UXS1: variants seen among roughly 807,000 people sequenced by gnomAD.
UXS1 encodes UDP-glucuronate decarboxylase 1.
A neutral mutation model predicts 62.6 loss-of-function variants in UXS1; 33 were observed. That is an observed-to-expected ratio of 0.53 (90% confidence interval 0.40 to 0.70). The LOEUF (loss-of-function observed/expected upper bound fraction) is 0.70. UXS1 is among the 30% of genes least tolerant of loss of function. UXS1 has a pLI of 0.00. For missense variants in UXS1, 434 were observed against 556.3 expected, an observed-to-expected ratio of 0.78 and a Z score of 2.21; for synonymous variants, 213 against 206.8, an observed-to-expected ratio of 1.03 and a Z score of -0.26.
rs925578139 is a variant in UXS1, at chr2:106,115,465, T to C, written c.760-2700A>G. On this transcript the variant is annotated intron_variant, in intron 9 of 14. Coordinates refer to ENST00000283148, the MANE Select transcript of UXS1 (RefSeq NM_001253875.2). ...GCTAACTGCTGATTCATCCTAGGCA[T>C]GGCTGGATTTCACTTTATGCTCTGT... is the stretch of plus-strand genomic sequence containing the variant. Among the ~76,000 whole-genome samples, 3 of 152,232 alleles carry C rather than the reference T, an allele frequency of 2.0e-5. No homozygotes were observed. In the East Asian group the frequency reaches 5.8e-4, roughly 29 times the overall value.
intron 5 of UXS1, among the ~76,000 whole-genome samples, chr2:106,146,887 G>A (rs1189943826): frequency 6.6e-6 from 1 of 151,942 alleles, no homozygotes; most frequent in African/African-American, 2.4e-5. Context: ...GGGTGCAGTG[G>A]CTCATGCCTG....
At chr2:106,176,497 G>A (rs1237471474) in intron 1 of UXS1, among the ~76,000 whole-genome samples, 1 of 152,182 alleles carries the variant, frequency 6.6e-6, no homozygotes, top group African/African-American at 2.4e-5. Context: ...AGGGGGCTTC[G>A]CAGTTGCTAG....
At chr2:106,174,606 G>A (rs2105087263) in intron 1 of UXS1, among the ~76,000 whole-genome samples, 1 of 152,344 alleles carries the variant, frequency 6.6e-6, no homozygotes, top group East Asian at 1.9e-4. Context: ...AGCCAGAGGT[G>A]CAACCCAGGG....
intron 1 of UXS1, among the ~76,000 whole-genome samples, chr2:106,182,430 T>G (rs1684304249): frequency 6.6e-6 from 1 of 152,246 alleles, no homozygotes; most frequent in African/African-American, 2.4e-5. Flanking sequence ...TCTTTGCACT[T>G]CATTCTCTAG....
At chr2:106,168,107 G>T (rs1461632067) in intron 1 of UXS1, among the ~76,000 whole-genome samples, 2 of 152,196 alleles carry the variant, frequency 1.3e-5, no homozygotes. Context: ...GTTACAGTGG[G>T]CTGAGACCAC....
At chr2:106,129,000 A>C (rs1270099301) in intron 7 of UXS1, among the ~76,000 whole-genome samples, 3 of 152,288 alleles carry the variant, frequency 2.0e-5, no homozygotes, top group East Asian at 3.9e-4. Context: ...GAGTTTTTTG[A>C]AAAAACTGTG....
intron 6 of UXS1, among the ~76,000 whole-genome samples, chr2:106,144,186 G>A (rs1446008104): frequency 6.6e-6 from 1 of 152,284 alleles, no homozygotes; most frequent in Non-Finnish European, 1.5e-5. Context: ...TGAGCCCACT[G>A]AGCTATAATC....
chr2:106,129,789 C>T lies in UXS1; in HGVS notation c.473-11G>A, dbSNP rs750981187. On this transcript the variant is annotated splice_polypyrimidine_tract_variant and intron_variant, in intron 6 of 14. Transcript: ENST00000283148. ...GGTATATCTGGTCAACTAAAGGAGACAAAACAGAAGCCTATTACTTCAAAA... is the reference window on the plus strand; with the variant it reads ...GGTATATCTGGTCAACTAAAGGAGATAAAACAGAAGCCTATTACTTCAAAA... The T allele has an allele frequency of 6.3e-7, 1 of 1,576,428 alleles. No homozygotes were observed. Among genetic ancestry groups the T allele is most frequent in the Non-Finnish European group, 8.6e-7 (1 of 1,156,476 alleles).
intron 4 of UXS1, among the ~76,000 whole-genome samples, chr2:106,162,012 TCA>T (rs902810075): frequency 5.3e-5 from 8 of 152,246 alleles, no homozygotes; most frequent in African/African-American, 1.7e-4. Flanking sequence ...ATCATCTTTA[TCA>T]CACACTGAGT....
intron 1 of UXS1, among the ~76,000 whole-genome samples, 160 bp downstream of exon 1, chr2:106,193,988 G>C (rs557715488): frequency 1.6e-4 from 24 of 151,966 alleles, no homozygotes; most frequent in African/African-American, 5.3e-4. Context: ...TTTGCTGCAA[G>C]AGTGGAAAGG....
intron 1 of UXS1, among the ~76,000 whole-genome samples, chr2:106,174,910 T>C (rs1558751543): frequency 6.6e-6 from 1 of 152,252 alleles, no homozygotes; most frequent in Non-Finnish European, 1.5e-5. Context: ...AAGGCCTGCA[T>C]GACCTGTCAA....
chr2:106,144,437 C>G (rs1681390856), intron 6 of UXS1, among the ~76,000 whole-genome samples: 1 of 152,130 alleles, frequency 6.6e-6, no homozygotes, highest in African/African-American at 2.4e-5. Context: ...AAATGTCACT[C>G]AAACGAAAAG....
In UXS1 at chr2:106,145,128, C is replaced by T. The variant is rs1382736267; in HGVS notation, c.472+62G>A. 4.8e-5 allele frequency: 75 copies of T among 1,551,554 alleles called. 4 individuals are homozygous for T. In the South Asian group the frequency reaches 5.9e-4, roughly 12 times the overall value. On this transcript the variant is annotated intron_variant, in intron 6 of 14. Transcript: ENST00000283148. ...TCAAACAGCTTACCCTCAGGAATCC[C>T]GCAGCTCTGGCAAGGCCACCTGCGG...
intron 8 of UXS1, among the ~76,000 whole-genome samples, chr2:106,125,286 A>G (rs912848968): frequency 5.3e-5 from 8 of 152,226 alleles, no homozygotes; most frequent in African/African-American, 1.9e-4. Flanking sequence ...TAGAAGAATG[A>G]CATGTGCTAG....
intron 1 of UXS1, among the ~76,000 whole-genome samples, chr2:106,188,877 CA>C (rs1684744968): frequency 6.6e-6 from 1 of 152,070 alleles, no homozygotes; most frequent in Non-Finnish European, 1.5e-5. Flanking sequence ...TTTAAAAATC[CA>C]GAGAATATAC....
intron 10 of UXS1, among the ~76,000 whole-genome samples, chr2:106,109,020 C>A (rs1482520425): frequency 6.6e-6 from 1 of 152,106 alleles, no homozygotes. Context: ...ACCACCCTGG[C>A]CTGTTGTCAG....
At chr2:106,167,690 T>C (rs536642366) in intron 1 of UXS1, among the ~76,000 whole-genome samples, 13 of 152,220 alleles carry the variant, frequency 8.5e-5, no homozygotes, top group African/African-American at 3.1e-4. Context: ...AATAAAGCTA[T>C]TAACTAGATT....
chr2:106,144,305 AT>A (rs367943754), intron 6 of UXS1, among the ~76,000 whole-genome samples: 153 of 152,332 alleles, frequency 1.0e-3, no homozygotes, highest in Admixed American at 2.5e-3. Flanking sequence ...AACCAACAAA[AT>A]TAACACCATG....
chr2:106,123,051 G>A lies in UXS1; in HGVS notation c.678C>T (p.His226=), dbSNP rs964089463. The change falls in exon 9 of 15, where the codon CAC becomes CAT. Residue 226 remains histidine, a synonymous_variant. Transcript: ENST00000283148. ...VHPQSEDYWG[H]VNPIGPRACY... is the part of the protein sequence containing the mutation. ...AGGCCCGAGGTCCTATTGGATTCAC[G>A]TGGCCCCAGTAATCCTCACTTTGAG... The A allele has an allele frequency of 3.1e-6, 5 of 1,613,970 alleles. No homozygotes were observed. Among genetic ancestry groups the A allele is most frequent in the Non-Finnish European group, 3.4e-6 (4 of 1,179,870 alleles).
Sources: gnomAD v4.1 joint callset for allele counts (sites outside exome capture counted in the v4.1 genomes callset) on GRCh38, gnomAD v4.1.1 for gene constraint, MANE v1.5 for transcripts, NCBI Gene and HGNC (gene_info 2026-07-23, HGNC 2026-07-21) for gene names.